LOXHD1: variants seen among roughly 807,000 people sequenced by gnomAD.
The protein encoded by LOXHD1 is lipoxygenase homology domain-containing protein 1.
In LOXHD1, 205 loss-of-function variants were observed where a neutral mutation model predicts 248.2. The observed-to-expected ratio is 0.83, with a 90% CI of 0.74 to 0.93. The LOEUF (loss-of-function observed/expected upper bound fraction) is 0.93. LOXHD1 is among the 40% of genes least tolerant of loss of function. LOXHD1 has a pLI of 0.00. For missense variants in LOXHD1, 2,930 were observed against 2,971.6 expected (o/e 0.99, Z 0.33); for synonymous variants, 1,113 against 1,162.8 (o/e 0.96, Z 0.87).
chr18:46,646,037 T>C (rs978200955), intron 2 of LOXHD1, among the ~76,000 whole-genome samples: 4 of 152,228 alleles, frequency 2.6e-5, no homozygotes, highest in African/African-American at 9.6e-5. Flanking sequence ...GTGAACTCTC[T>C]CTGGGGCCAG....
chr18:46,508,679 G>T (rs900277603), intron 35 of LOXHD1, among the ~76,000 whole-genome samples: 1 of 152,218 alleles, frequency 6.6e-6, no homozygotes, highest in Non-Finnish European at 1.5e-5. Flanking sequence ...ACACAAGTTC[G>T]CATGCCTAGG....
At chr18:46,503,648 G>A (rs905037664) in intron 37 of LOXHD1, among the ~76,000 whole-genome samples, 7 of 152,192 alleles carry the variant, frequency 4.6e-5, no homozygotes, top group African/African-American at 1.7e-4. Context: ...TAGGAAAGAG[G>A]AGAGGTGCAT....
chr18:46,616,996 A>G (rs1338841938), intron 5 of LOXHD1, among the ~76,000 whole-genome samples: 1 of 152,212 alleles, frequency 6.6e-6, no homozygotes, highest in African/African-American at 2.4e-5. Flanking sequence ...TGAATTATAT[A>G]TTTGAGTGTT....
chr18:46,634,903 C>G (rs751245354), intron 4 of LOXHD1, among the ~76,000 whole-genome samples: 1 of 152,124 alleles, frequency 6.6e-6, no homozygotes, highest in East Asian at 1.9e-4. Context: ...GTACTTAATG[C>G]CACTAAACTG....
intron 5 of LOXHD1, among the ~76,000 whole-genome samples, chr18:46,612,778 T>C (rs1022518282): frequency 1.3e-5 from 2 of 152,156 alleles, no homozygotes; most frequent in East Asian, 1.9e-4. Context: ...GAAAGTTATT[T>C]TGTGAGTGGT....
chr18:46,612,865 C>A (rs554086572), intron 5 of LOXHD1, among the ~76,000 whole-genome samples: 1 of 152,066 alleles, frequency 6.6e-6, no homozygotes, highest in Admixed American at 6.5e-5. Flanking sequence ...AACATTTCAT[C>A]TTTTCCTTCT....
intron 37 of LOXHD1, among the ~76,000 whole-genome samples, chr18:46,501,169 T>C (rs569080025): frequency 2.0e-5 from 3 of 152,320 alleles, no homozygotes; most frequent in South Asian, 4.1e-4. Context: ...GATTTGGCTA[T>C]TTGCTAAAAT....
intron 21 of LOXHD1, among the ~76,000 whole-genome samples, chr18:46,554,014 A>G (rs4890671): frequency 0.61 from 93,187 of 152,112 alleles, 31,113 homozygotes; most frequent in Non-Finnish European, 0.75. Context: ...GGCTGAGCTG[A>G]CCACCAAACA....
At chr18:46,601,749 A>T in intron 7 of LOXHD1, 1 of 430,800 alleles carries the variant, frequency 2.3e-6, no homozygotes. Flanking sequence ...AACAAAGAGA[A>T]GGAGGAACTC....
At chr18:46,485,920 C>A (rs1282200551) in intron 38 of LOXHD1, among the ~76,000 whole-genome samples, 2 of 151,980 alleles carry the variant, frequency 1.3e-5, no homozygotes, top group African/African-American at 4.8e-5. Flanking sequence ...GTGTGCTCCT[C>A]CCTAGAGCTC....
At chr18:46,482,475 T>C (rs1292882627) in intron 40 of LOXHD1, among the ~76,000 whole-genome samples, 1 of 152,218 alleles carries the variant, frequency 6.6e-6, no homozygotes, top group Non-Finnish European at 1.5e-5. Context: ...GCTAGAACCC[T>C]GATCTCAGAC....
chr18:46,556,979 T>G (rs560764245), intron 21 of LOXHD1, among the ~76,000 whole-genome samples: 267 of 116,064 alleles, frequency 2.3e-3, no homozygotes, highest in Middle Eastern at 6.3e-3. Flanking sequence ...ACCCTCATAC[T>G]CACCCACTCT....
At chr18:46,490,872 GCTTT>G (rs1322343549) in intron 37 of LOXHD1, among the ~76,000 whole-genome samples, 1 of 152,208 alleles carries the variant, frequency 6.6e-6, no homozygotes, top group Non-Finnish European at 1.5e-5. Flanking sequence ...CAAAATGGCT[GCTTT>G]CTGAGATGCT....
chr18:46,566,172 C>A, intron 17 of LOXHD1, 85 bp downstream of exon 17: 1 of 1,427,402 alleles, frequency 7.0e-7, no homozygotes, highest in Non-Finnish European at 9.4e-7. Flanking sequence ...GCAAGACCTG[C>A]TTTGCCCCAT....
intron 37 of LOXHD1, 89 bp downstream of exon 37, chr18:46,505,747 CAG>C: frequency 7.3e-7 from 1 of 1,366,984 alleles, no homozygotes; most frequent in Non-Finnish European, 1.0e-6. Flanking sequence ...CTGGGGTAAT[CAG>C]AGTCAATGTG....
intron 1 of LOXHD1, among the ~76,000 whole-genome samples, chr18:46,654,548 G>A (rs891657680): frequency 2.0e-5 from 3 of 152,252 alleles, no homozygotes; most frequent in African/African-American, 7.2e-5. Flanking sequence ...CATTGAGGGA[G>A]CTGCTCTCCT....
chr18:46,496,590 T>C (rs1163258061), intron 37 of LOXHD1, among the ~76,000 whole-genome samples: 2 of 152,218 alleles, frequency 1.3e-5, no homozygotes, highest in Non-Finnish European at 2.9e-5. Flanking sequence ...TTAGCTTGTA[T>C]TAACATTTAA....
chr18:46,621,057 C>T (rs894318737), intron 4 of LOXHD1, among the ~76,000 whole-genome samples: 1 of 152,246 alleles, frequency 6.6e-6, no homozygotes, highest in South Asian at 2.1e-4. Context: ...ACAAGGGACC[C>T]AAGCCAAGAG....
intron 34 of LOXHD1, among the ~76,000 whole-genome samples, chr18:46,513,327 C>T (rs1004313327): frequency 6.6e-6 from 1 of 152,058 alleles, no homozygotes; most frequent in Admixed American, 6.6e-5. Flanking sequence ...AAAAATGGTC[C>T]CCCAAAAGAT....
Sources: allele counts gnomAD v4.1 joint callset (sites outside exome capture counted in the v4.1 genomes callset), GRCh38; gene constraint gnomAD v4.1.1; transcripts MANE v1.5; gene names NCBI Gene and HGNC (gene_info 2026-07-23, HGNC 2026-07-21).